PRKAG2: variants seen among roughly 807,000 people sequenced by gnomAD.
PRKAG2 encodes 5'-AMP-activated protein kinase subunit gamma-2.
A neutral mutation model predicts 69.6 loss-of-function variants in PRKAG2; 26 were observed. That is an observed-to-expected ratio of 0.37 (90% CI 0.27 to 0.52). PRKAG2 has a LOEUF of 0.52. PRKAG2 is among the 20% of genes least tolerant of loss of function. PRKAG2 has a pLI of 0.90. For synonymous variants in PRKAG2, 293 were observed against 285.0 expected (o/e 1.03, Z -0.28); for missense variants, 557 against 740.0 (o/e 0.75, Z 2.87).
Position 151,705,801 on chromosome 7 carries a change from G to A in PRKAG2, c.467-30164C>T, listed in dbSNP as rs978225999. Among the ~76,000 whole-genome samples the A allele has an allele frequency of 1.4e-4, 21 of 152,212 alleles. 1 individual carries two copies. In the South Asian group the frequency reaches 1.5e-3, roughly 11 times the overall value. On this transcript the variant is annotated intron_variant, in intron 3 of 15. Transcript: ENST00000287878. ...CTCCTCCTTACACTGCCCTCTGCAGGTTGGTGGCACTTCCTTGTAGAAATC... is the reference window on the plus strand; with the variant it reads ...CTCCTCCTTACACTGCCCTCTGCAGATTGGTGGCACTTCCTTGTAGAAATC...
At chr7:151,820,821 A>G (rs1563728406) in intron 1 of PRKAG2, among the ~76,000 whole-genome samples, 1 of 152,098 alleles carries the variant, frequency 6.6e-6, no homozygotes, top group South Asian at 2.1e-4. Flanking sequence ...CCATTTTTTA[A>G]ACAACAATAA....
At chr7:151,717,992 G>C (rs568830266) in intron 3 of PRKAG2, among the ~76,000 whole-genome samples, 11 of 152,268 alleles carry the variant, frequency 7.2e-5, no homozygotes, top group Admixed American at 4.6e-4. Context: ...CCTTGGGAGT[G>C]GGGGGAAGGG....
chr7:151,559,056 A>G (rs1804379266), intron 15 of PRKAG2: 1 of 985,266 alleles, frequency 1.0e-6, no homozygotes, highest in African/African-American at 1.7e-5. Context: ...CAAGCTATAT[A>G]CCTGTGGGGA....
chr7:151,805,084 G>A (rs73485988), intron 1 of PRKAG2, among the ~76,000 whole-genome samples: 2,014 of 152,256 alleles, frequency 0.013, 46 homozygotes, highest in African/African-American at 0.046. Context: ...TTGAGTGGGC[G>A]AATCTGTTCC....
chr7:151,568,470 G>A (rs1042945970), intron 11 of PRKAG2, among the ~76,000 whole-genome samples: 17 of 152,146 alleles, frequency 1.1e-4, no homozygotes, highest in Non-Finnish European at 2.1e-4. Flanking sequence ...AATTTAAAGA[G>A]AGAATGCCGA....
At chr7:151,766,971 G>T (rs1376365450) in intron 3 of PRKAG2, among the ~76,000 whole-genome samples, 1 of 152,212 alleles carries the variant, frequency 6.6e-6, no homozygotes, top group Non-Finnish European at 1.5e-5. Flanking sequence ...GTGACCTCAT[G>T]TGGAAGTAGG....
intron 6 of PRKAG2, among the ~76,000 whole-genome samples, chr7:151,584,153 C>G (rs1408736927): frequency 6.6e-6 from 1 of 152,206 alleles, no homozygotes; most frequent in Non-Finnish European, 1.5e-5. Context: ...ATCTTCCATG[C>G]CCCTCCAAGC....
intron 3 of PRKAG2, among the ~76,000 whole-genome samples, chr7:151,775,572 G>T (rs947236733): frequency 2.6e-5 from 4 of 152,218 alleles, no homozygotes; most frequent in African/African-American, 9.6e-5. Context: ...ATTCAGAAAG[G>T]CTGGAAATGT....
chr7:151,584,103 C>A (rs1418282020), intron 6 of PRKAG2, among the ~76,000 whole-genome samples: 3 of 152,222 alleles, frequency 2.0e-5, no homozygotes, highest in Non-Finnish European at 4.4e-5. Context: ...CAGGCCCAGG[C>A]CTCCCTTGCC....
At chr7:151,747,900 AG>A (rs552696482) in intron 3 of PRKAG2, among the ~76,000 whole-genome samples, 58 of 137,148 alleles carry the variant, frequency 4.2e-4, no homozygotes, top group East Asian at 1.9e-3. Context: ...CACCTCTTGG[AG>A]GGGGCAAAAA....
intron 3 of PRKAG2, among the ~76,000 whole-genome samples, chr7:151,721,535 G>T (rs915953878): frequency 6.6e-6 from 1 of 152,128 alleles, no homozygotes; most frequent in African/African-American, 2.4e-5. Flanking sequence ...CACAGGAGGC[G>T]TGCCACCCCT....
At chr7:151,574,059 G>A (rs1339836688) in intron 8 of PRKAG2, among the ~76,000 whole-genome samples, 1 of 152,190 alleles carries the variant, frequency 6.6e-6, no homozygotes, top group Non-Finnish European at 1.5e-5. Context: ...GATTACAGGC[G>A]TGAGCCACTG....
chr7:151,815,651 TGTGA>T lies in PRKAG2; in HGVS notation c.115-29114_115-29111del, dbSNP rs374510899. Among the ~76,000 whole-genome samples, 416 of 152,344 alleles carry T rather than the reference TGTGA, an allele frequency of 2.7e-3. 2 individuals are homozygous for T. The highest frequency in any genetic ancestry group is 7.4e-3 in the African/African-American group (307 of 41,580). Reference sequence around the variant, plus strand: ...GCCTAGCCTCCTGCTTCCAGGGATCTGTGAGTATCATCAGTTCCTTCCTTCGTGA... The same window carrying T: ...GCCTAGCCTCCTGCTTCCAGGGATCTGTATCATCAGTTCCTTCCTTCGTGA... On this transcript the variant is annotated intron_variant, in intron 1 of 15. Coordinates refer to ENST00000287878, the MANE Select transcript of PRKAG2 (RefSeq NM_016203.4).
At position 151,623,812 on chromosome 7, in the gene PRKAG2, C is replaced by CA. The variant is rs139416914; in HGVS notation, c.754+8256dup. Among the ~76,000 whole-genome samples, 1,355 of 152,104 alleles carry CA rather than the reference C, an allele frequency of 8.9e-3. 21 individuals carry two copies. The highest frequency in any genetic ancestry group is 0.03 in the African/African-American group (1,237 of 41,470). On this transcript the variant is annotated intron_variant, in intron 5 of 15. Transcript: ENST00000287878. ...ACATGCATTAAAAAAAGGGGGGTTACATCGTATGTATGTATAAGCTTCAAA... is the reference window on the plus strand; with the variant it reads ...ACATGCATTAAAAAAAGGGGGGTTACAATCGTATGTATGTATAAGCTTCAAA...
In PRKAG2 at chr7:151,876,751, G is replaced by A. The variant is rs1025744717; in HGVS notation, c.-131C>T. ...CTGAAGCCACCTCGTGGGGACTTCC[G>A]CGGAGAGGGAGGGTGAGCAGGGAAC... On this transcript the variant is annotated 5_prime_UTR_variant, in exon 1 of 16. Transcript: ENST00000287878. 2 of 883,580 alleles carry A rather than the reference G, an allele frequency of 2.3e-6. No homozygotes were observed. Among genetic ancestry groups the A allele is most frequent in the Non-Finnish European group, 3.6e-6 (2 of 552,434 alleles). The allele number at this position is 883,580 out of a possible 1,614,324, so 54.7% of individuals were successfully genotyped here. A position where few individuals can be genotyped will look rare whatever the true frequency, so the allele number is the denominator to read the frequency against.
chr7:151,799,248 C>T (rs2077702418), intron 1 of PRKAG2, among the ~76,000 whole-genome samples: 1 of 152,164 alleles, frequency 6.6e-6, no homozygotes, highest in South Asian at 2.1e-4. Flanking sequence ...ATGGTAGAGC[C>T]GTGACTCAGC....
chr7:151,754,205 C>T (rs2074910128), intron 3 of PRKAG2, among the ~76,000 whole-genome samples: 2 of 152,236 alleles, frequency 1.3e-5, no homozygotes, highest in African/African-American at 4.8e-5. Context: ...CAAATAATAA[C>T]AGCCTGGACA....
At chr7:151,686,743 C>T (rs1834805178) in intron 3 of PRKAG2, among the ~76,000 whole-genome samples, 1 of 152,200 alleles carries the variant, frequency 6.6e-6, no homozygotes, top group Non-Finnish European at 1.5e-5. Flanking sequence ...TGGCCCTGGC[C>T]CTAGCTGAGC....
At position 151,649,415 on chromosome 7, in the gene PRKAG2, C is replaced by T. The variant is rs941829656; in HGVS notation, c.685-17277G>A. Reference sequence around the variant, plus strand: ...TGCTGGGATTACAGGTGTGAACCACCGTGCCTGGCCAAGACTGCATTTTTA... The same window carrying T: ...TGCTGGGATTACAGGTGTGAACCACTGTGCCTGGCCAAGACTGCATTTTTA... On this transcript the variant is annotated intron_variant, in intron 4 of 15. Coordinates refer to ENST00000287878, the MANE Select transcript of PRKAG2 (RefSeq NM_016203.4). 3.3e-5 allele frequency among the ~76,000 whole-genome samples: 5 copies of T among 152,112 alleles called. No individual in the cohort carries two copies. The South Asian group carries it at 6.2e-4, about 19-fold the overall frequency.
Sources: gnomAD v4.1 joint callset for allele counts (sites outside exome capture counted in the v4.1 genomes callset) on GRCh38, gnomAD v4.1.1 for gene constraint, MANE v1.5 for transcripts, NCBI Gene and HGNC (gene_info 2026-07-23, HGNC 2026-07-21) for gene names.